The following SUPT3H variants were observed in gnomAD, a reference collection of about 807,000 sequenced individuals.
The protein encoded by SUPT3H is transcription initiation protein SPT3 homolog.
Under a neutral mutation model 44.3 loss-of-function variants are expected in SUPT3H, and 44 were observed. That is an observed-to-expected ratio of 0.99 (90% CI 0.78 to 1.28). The LOEUF (loss-of-function observed/expected upper bound fraction) is 1.28. Among genes scored for constraint, SUPT3H ranks in the 50% most tolerant of loss-of-function variants. SUPT3H has a pLI of 0.00. For missense variants in SUPT3H, 380 were observed against 387.1 expected, an observed-to-expected ratio of 0.98 and a Z score of 0.15; for synonymous variants, 124 against 125.6, an observed-to-expected ratio of 0.99 and a Z score of 0.09.
At chr6:44,849,054 G>C (rs1214603585) in intron 10 of SUPT3H, among the ~76,000 whole-genome samples, 1 of 152,072 alleles carries the variant, frequency 6.6e-6, no homozygotes, top group Non-Finnish European at 1.5e-5. Context: ...GAAGCACTGG[G>C]TACCATACAT....
chr6:44,965,593 TAA>T (rs36024684), intron 6 of SUPT3H, among the ~76,000 whole-genome samples: 6 of 150,118 alleles, frequency 4.0e-5, no homozygotes, highest in East Asian at 2.0e-4. Context: ...CTGAATTGTT[TAA>T]AAAAAAAATG....
At chr6:45,031,767 A>G (rs1786978259) in intron 3 of SUPT3H, among the ~76,000 whole-genome samples, 1 of 152,178 alleles carries the variant, frequency 6.6e-6, no homozygotes, top group Non-Finnish European at 1.5e-5. Flanking sequence ...GAATGGCGCA[A>G]CTTGGTAAGG....
At position 45,337,730 on chromosome 6, in the gene SUPT3H, G is replaced by T. The variant is rs114709573; in HGVS notation, c.101+27471C>A. Among the ~76,000 whole-genome samples, 955 of 151,836 alleles carry T rather than the reference G, an allele frequency of 6.3e-3. 17 individuals carry two copies. Among genetic ancestry groups the T allele is most frequent in the African/African-American group, 0.022 (904 of 41,490 alleles). On this transcript the variant is annotated intron_variant, in intron 2 of 10. Transcript: ENST00000371459. The stretch of plus-strand genomic sequence containing the variant: ...ACTTCTAGAAGCCATGAAAAAGAAA[G>T]CTAAAAACAAATCTAAGACGCCCCT...
At chr6:45,039,669 A>G (rs1372590506) in intron 3 of SUPT3H, among the ~76,000 whole-genome samples, 1 of 152,058 alleles carries the variant, frequency 6.6e-6, no homozygotes, top group South Asian at 2.1e-4. Context: ...ATTCCCAGCT[A>G]CTTGGGAGGC....
chr6:45,001,501 G>GGA (rs113992404), intron 6 of SUPT3H, among the ~76,000 whole-genome samples: 115 of 152,082 alleles, frequency 7.6e-4, no homozygotes, highest in African/African-American at 2.7e-3. Context: ...AGTAAATTAT[G>GGA]GATGAAACTA....
chr6:45,020,662 C>G (rs746277404), intron 3 of SUPT3H, 30 bp from the exon 4 acceptor site: 4 of 1,529,694 alleles, frequency 2.6e-6, no homozygotes, highest in African/African-American at 1.4e-5. Flanking sequence ...AGAAATTTTT[C>G]TCAGTAACAC....
chr6:45,162,379 C>T (rs1809148179), intron 2 of SUPT3H, among the ~76,000 whole-genome samples: 1 of 151,884 alleles, frequency 6.6e-6, no homozygotes, highest in African/African-American at 2.4e-5. Flanking sequence ...AAACTCTTAG[C>T]CAGCTGGGGT....
At chr6:44,890,556 C>G (rs1351502800) in intron 10 of SUPT3H, among the ~76,000 whole-genome samples, 1 of 133,976 alleles carries the variant, frequency 7.5e-6, no homozygotes, top group East Asian at 2.2e-4. Context: ...GGGAATTGAA[C>G]AATGAGAACA....
At chr6:44,980,454 T>G (rs1027433010) in intron 6 of SUPT3H, among the ~76,000 whole-genome samples, 12 of 152,206 alleles carry the variant, frequency 7.9e-5, no homozygotes, top group South Asian at 2.1e-4. Flanking sequence ...GTACTAAGGA[T>G]TCCCATAGAA....
chr6:45,231,102 T>C (rs1463634907), intron 2 of SUPT3H, among the ~76,000 whole-genome samples: 1 of 152,212 alleles, frequency 6.6e-6, no homozygotes, highest in African/African-American at 2.4e-5. Flanking sequence ...ATTTTCTGAT[T>C]GATTGTCCTT....
At chr6:45,288,446 T>C (rs1779669513) in intron 2 of SUPT3H, among the ~76,000 whole-genome samples, 1 of 151,460 alleles carries the variant, frequency 6.6e-6, no homozygotes, top group South Asian at 2.1e-4. Context: ...AGAATATAGA[T>C]GGCAAAATTA....
intron 2 of SUPT3H, among the ~76,000 whole-genome samples, chr6:45,132,274 C>T (rs1267845755): frequency 1.3e-5 from 2 of 152,184 alleles, no homozygotes; most frequent in South Asian, 2.1e-4. Context: ...GGAAGTGTTG[C>T]TTTGTCAGAC....
At chr6:44,920,702 A>G (rs900508844) in intron 10 of SUPT3H, among the ~76,000 whole-genome samples, 3 of 152,218 alleles carry the variant, frequency 2.0e-5, no homozygotes, top group Non-Finnish European at 2.9e-5. Context: ...GCTGCCCTAA[A>G]TCATAAAGTC....
intron 2 of SUPT3H, among the ~76,000 whole-genome samples, chr6:45,117,435 A>T (rs1801006570): frequency 6.6e-6 from 1 of 152,134 alleles, no homozygotes. Context: ...TTGTGAGCTC[A>T]TGCAAGTTCC....
intron 2 of SUPT3H, among the ~76,000 whole-genome samples, chr6:45,317,830 T>C (rs2150021077): frequency 6.6e-6 from 1 of 152,100 alleles, no homozygotes; most frequent in South Asian, 2.1e-4. Context: ...AAAGCAAAAA[T>C]AGGCAAATGG....
At chr6:45,120,978 T>C (rs1010471261) in intron 2 of SUPT3H, among the ~76,000 whole-genome samples, 16 of 152,186 alleles carry the variant, frequency 1.1e-4, no homozygotes, top group African/African-American at 3.9e-4. Context: ...ATACTATTAA[T>C]AGATTATAAT....
chr6:45,210,041 T>G (rs1425222049), intron 2 of SUPT3H, among the ~76,000 whole-genome samples: 1 of 152,152 alleles, frequency 6.6e-6, no homozygotes, highest in Non-Finnish European at 1.5e-5. Context: ...GCTCATATGA[T>G]CAAGACAGCA....
intron 10 of SUPT3H, among the ~76,000 whole-genome samples, chr6:44,887,489 G>C (rs924405863): frequency 6.6e-6 from 1 of 152,186 alleles, no homozygotes; most frequent in Admixed American, 6.5e-5. Flanking sequence ...CAAGTACATG[G>C]AAACTGAACA....
In SUPT3H at chr6:44,913,710, G is replaced by A. The variant is rs1767398626; in HGVS notation, c.912+18943C>T. Among the ~76,000 whole-genome samples, 4 of 152,298 alleles carry A rather than the reference G, an allele frequency of 2.6e-5. 1 individual carries two copies. The highest frequency in any genetic ancestry group is 5.9e-5 in the Non-Finnish European group (4 of 68,020). ...ACTTTTATCAGAAAAATTAGGTTGT[G>A]TCTATGAGAACACACATTCATCTAA... is the stretch of plus-strand genomic sequence containing the variant. On this transcript the variant is annotated intron_variant, in intron 10 of 10. Transcript: ENST00000371459.
Sources: allele counts gnomAD v4.1 joint callset (sites outside exome capture counted in the v4.1 genomes callset), GRCh38; gene constraint gnomAD v4.1.1; transcripts MANE v1.5; gene names NCBI Gene and HGNC (gene_info 2026-07-23, HGNC 2026-07-21).